The following MROH7 variants were observed in gnomAD, a reference collection of about 807,000 sequenced individuals.
MROH7 encodes the protein maestro heat-like repeat-containing protein family member 7.
Under a neutral mutation model 129.2 loss-of-function variants are expected in MROH7, and 113 were observed. That is an observed-to-expected ratio of 0.87 (90% CI 0.75 to 1.02). MROH7 has a LOEUF of 1.02. MROH7 is among the 50% of genes least tolerant of loss of function. The pLI is 0.00. For synonymous variants in MROH7, 655 were observed against 667.9 expected, an observed-to-expected ratio of 0.98 and a Z score of 0.30; for missense variants, 1,601 against 1,671.3, an observed-to-expected ratio of 0.96 and a Z score of 0.73.
At chr1:54,693,811 G>C (rs1392321536) in intron 16 of MROH7, among the ~76,000 whole-genome samples, 1 of 152,182 alleles carries the variant, frequency 6.6e-6, no homozygotes, top group African/African-American at 2.4e-5. Flanking sequence ...CTATGCTCTA[G>C]GCACCATGCA....
chr1:54,663,723 T>A, intron 3 of MROH7: 1 of 416,404 alleles, frequency 2.4e-6, no homozygotes, highest in Non-Finnish European at 4.7e-6. Context: ...CAAGCTTTTG[T>A]GTCCCTTTGA....
At position 54,699,969 on chromosome 1, in the gene MROH7, C is replaced by T. The variant is rs1645405629; in HGVS notation, c.2965-352C>T. 11 of 609,378 alleles carry T rather than the reference C, an allele frequency of 1.8e-5. No individual in the cohort carries two copies. The South Asian group carries it at 2.2e-4, about 12-fold the overall frequency. The allele number at this position is 609,378 out of a possible 1,614,324, so 37.7% of individuals were successfully genotyped here. A position where few individuals can be genotyped will look rare whatever the true frequency, so the allele number is the denominator to read the frequency against. On this transcript the variant is annotated intron_variant, in intron 17 of 23. Transcript: ENST00000421030. Reference sequence around the variant, plus strand: ...TTTTGCCAGCACAGAAGGGGTGGAACAGCCTGGGTAGTTCAGAGAACAGGA... The same window carrying T: ...TTTTGCCAGCACAGAAGGGGTGGAATAGCCTGGGTAGTTCAGAGAACAGGA...
At position 54,670,543 on chromosome 1, in the gene MROH7, G is replaced by A. The variant is rs1195871386; in HGVS notation, c.1436G>A (p.Arg479His). 16 of 1,613,512 alleles carry A rather than the reference G, an allele frequency of 9.9e-6. No homozygotes were observed. The highest frequency in any genetic ancestry group is 4.0e-5 in the African/African-American group (3 of 74,900). ...CTGGATTCTCTCTCAAGCTCCGTCC[G>A]CAAGCAGGCCATGGAGATCCTGACC... is the stretch of plus-strand genomic sequence containing the variant. ...EPLDSLSSSVRKQAMEILTQL... is the reference protein window; with the variant it reads ...EPLDSLSSSVHKQAMEILTQL... Residue 479 changes from arginine to histidine, a missense_variant, in exon 6 of 24, where the codon CGC becomes CAC. Transcript: ENST00000421030.
chr1:54,700,801 A>G (rs1349811195), intron 18 of MROH7, among the ~76,000 whole-genome samples: 1 of 152,190 alleles, frequency 6.6e-6, no homozygotes, highest in East Asian at 1.9e-4. Flanking sequence ...GTTTTTCTCT[A>G]CCAGGCACTG....
rs1557733776 is a variant in MROH7, at chr1:54,706,513, CG to C, written c.3645del (p.Lys1216SerfsTer7). ...TGCCAAGAACTCACGGGCCTCCCTC[CG>C]GAAGTGCTCAGTCATGTTCATAGGT... ...EYAKNSRASL[R>X]KCSVMFIGSL... On this transcript the variant is annotated frameshift_variant, in exon 22 of 24. Transcript: ENST00000421030. LOFTEE classifies it high-confidence loss of function. 4 of 1,613,542 alleles carry C rather than the reference CG, an allele frequency of 2.5e-6. No homozygotes were observed. In the South Asian group the frequency reaches 3.3e-5, roughly 13 times the overall value.
chr1:54,689,430 G>A (rs1645199978), intron 15 of MROH7, among the ~76,000 whole-genome samples: 1 of 152,216 alleles, frequency 6.6e-6, no homozygotes. Flanking sequence ...AGCCACCCAG[G>A]TTGTGGTGAT....
chr1:54,665,489 C>T (rs2101094418), intron 4 of MROH7: 1 of 419,766 alleles, frequency 2.4e-6, no homozygotes, highest in Non-Finnish European at 4.3e-6. Flanking sequence ...GCTATAACTT[C>T]AGCACCTAGA....
At position 54,653,179 on chromosome 1, in the gene MROH7, G is replaced by T; in HGVS notation, c.253G>T (p.Asp85Tyr). Residue 85 changes from aspartate to tyrosine, a missense_variant, in exon 3 of 24, where the codon GAC becomes TAC. Transcript: ENST00000421030. ...LVSENTPRPD[D>Y]SRAIAPASLQ... ...GTCTGAAAACACCCCCAGACCTGAT[G>T]ACAGCAGAGCTATCGCTCCAGCCTC... 2 of 1,614,206 alleles carry T rather than the reference G, an allele frequency of 1.2e-6. No individual in the cohort carries two copies. The highest frequency in any genetic ancestry group is 1.7e-6 in the Non-Finnish European group (2 of 1,180,036).
chr1:54,655,105 C>T (rs1644623172), intron 3 of MROH7, among the ~76,000 whole-genome samples: 1 of 150,774 alleles, frequency 6.6e-6, no homozygotes, highest in African/African-American at 2.4e-5. Context: ...ACCTCTGCCT[C>T]CTGGGTTCAA....
chr1:54,678,955 G>A (rs1053317290), intron 11 of MROH7, 101 bp downstream of exon 11: 1 of 974,270 alleles, frequency 1.0e-6, no homozygotes, highest in East Asian at 2.5e-5. Context: ...TCCAGGCTTT[G>A]CAGGACGCCT....
At position 54,653,190 on chromosome 1, in the gene MROH7, T is replaced by C. The variant is rs1175562085; in HGVS notation, c.264T>C (p.Ala88=). ...CCCCCAGACCTGATGACAGCAGAGC[T>C]ATCGCTCCAGCCTCCCTCCAGATCA... ...ENTPRPDDSR[A]IAPASLQITS... Residue 88 remains alanine (A), a synonymous_variant, in exon 3 of 24, where the codon GCT becomes GCC. Transcript: ENST00000421030. 6.2e-7 allele frequency: 1 copy of C among 1,614,210 alleles called. No homozygotes were observed. The highest frequency in any genetic ancestry group is 1.1e-5 in the South Asian group (1 of 91,084).
Position 54,685,515 on chromosome 1 carries a change from C to T in MROH7, c.2521-743C>T, listed in dbSNP as rs113773629. On this transcript the variant is annotated intron_variant, in intron 14 of 23. Coordinates refer to ENST00000421030, the MANE Select transcript of MROH7 (RefSeq NM_001039464.4). ...TGAGCCATGAGTCTTGTGACACCAG[C>T]CCATCACCCACTCCCCACCCCCTAG... Among the ~76,000 whole-genome samples the T allele has an allele frequency of 3.5e-3, 518 of 149,368 alleles. 7 individuals are homozygous for T. The highest frequency in any genetic ancestry group is 0.012 in the African/African-American group (493 of 41,482).
chr1:54,678,635 A>T, intron 10 of MROH7, 107 bp from the exon 11 acceptor site: 1 of 748,316 alleles, frequency 1.3e-6, no homozygotes, highest in South Asian at 1.6e-5. Context: ...TGTGTTCACT[A>T]TGTGAAAATG....
chr1:54,709,088 C>T lies in MROH7; in HGVS notation c.3730+12C>T. On this transcript the variant is annotated intron_variant, in intron 23 of 23. Transcript: ENST00000421030. Reference sequence around the variant, plus strand: ...TGAAGTGAAAGCTGGTAAGTCATGCCCCGCATTGGTGAAATTTCAGGGGAC... The same window carrying T: ...TGAAGTGAAAGCTGGTAAGTCATGCTCCGCATTGGTGAAATTTCAGGGGAC... 1 of 1,613,630 alleles carries T rather than the reference C, an allele frequency of 6.2e-7. No homozygotes were observed. Among genetic ancestry groups the T allele is most frequent in the East Asian group, 2.2e-5 (1 of 44,890 alleles).
intron 1 of MROH7, among the ~76,000 whole-genome samples, chr1:54,650,197 A>C (rs1334689635): frequency 1.3e-5 from 2 of 152,194 alleles, no homozygotes; most frequent in East Asian, 3.8e-4. Context: ...GGAAGGCTTT[A>C]TGTGTTCCCT....
In MROH7 at chr1:54,682,740, C is replaced by T. The variant is rs761312398; in HGVS notation, c.2466C>T (p.Ser822=). 1 of 1,614,088 alleles carries T rather than the reference C, an allele frequency of 6.2e-7. No homozygotes were observed. Among genetic ancestry groups the T allele is most frequent in the Non-Finnish European group, 8.5e-7 (1 of 1,180,018 alleles). Residue 822 remains serine, a synonymous_variant, in exon 14 of 24, where the codon AGC becomes AGT. Transcript: ENST00000421030. Reference sequence around the variant, plus strand: ...ACCTCCTGGATCTGCTCCTGGGCAGCCTGAAGGAGAAGCCCGTCACCAAGG... The same window carrying T: ...ACCTCCTGGATCTGCTCCTGGGCAGTCTGAAGGAGAAGCCCGTCACCAAGG... The part of the protein sequence containing the change: ...VRDLLDLLLG[S]LKEKPVTKEG...
At position 54,709,125 on chromosome 1, in the gene MROH7, G is replaced by A. The variant is rs370788912; in HGVS notation, c.3730+49G>A. 29 of 1,565,410 alleles carry A rather than the reference G, an allele frequency of 1.9e-5. No individual in the cohort carries two copies. In the African/African-American group the frequency reaches 3.6e-4, roughly 20 times the overall value. On this transcript the variant is annotated intron_variant, in intron 23 of 23. Transcript: ENST00000421030. Reference sequence around the variant, plus strand: ...AAATTTCAGGGGACAGTGAGACAGTGAGTAGAATCACAGTGGGTAACAGGG... The same window carrying A: ...AAATTTCAGGGGACAGTGAGACAGTAAGTAGAATCACAGTGGGTAACAGGG...
rs955171381 is a variant in MROH7, at chr1:54,670,402, C to G, written c.1390-95C>G. ...GGAGGAGCACTTGAGGGTATGCTGG[C>G]TGCTGTGACCTGCTCCTTGTGACGG... On this transcript the variant is annotated intron_variant, in intron 5 of 23. Coordinates refer to ENST00000421030, the MANE Select transcript of MROH7 (RefSeq NM_001039464.4). The G allele has an allele frequency of 2.9e-6, 3 of 1,021,912 alleles. No individual in the cohort carries two copies. The Admixed American group carries it at 6.8e-5, about 23-fold the overall frequency. The allele number at this position is 1,021,912 out of a possible 1,614,324, so 63.3% of individuals were successfully genotyped here. A position where few individuals can be genotyped will look rare whatever the true frequency, so the allele number is the denominator to read the frequency against.
chr1:54,683,707 G>A (rs1645105914), intron 14 of MROH7, among the ~76,000 whole-genome samples: 1 of 152,024 alleles, frequency 6.6e-6, no homozygotes, highest in African/African-American at 2.4e-5. Flanking sequence ...CAGCCTCACG[G>A]GTCTTTGTCA....
Sources: allele counts gnomAD v4.1 joint callset (sites outside exome capture counted in the v4.1 genomes callset), GRCh38; gene constraint gnomAD v4.1.1; transcripts MANE v1.5; gene names NCBI Gene and HGNC (gene_info 2026-07-23, HGNC 2026-07-21).